Variants in SNX25 observed in about 807,000 individuals in gnomAD.
The protein encoded by SNX25 is sorting nexin 25, also known as sorting nexin-25.
Under a neutral mutation model 113.7 loss-of-function variants are expected in SNX25, and 62 were observed. The ratio of observed to expected loss-of-function variants is 0.55; its 90% CI spans 0.44 to 0.67. SNX25 has a LOEUF of 0.67. SNX25 is among the 30% of genes least tolerant of loss of function. The probability of loss-of-function intolerance (pLI) is 0.00; values close to 1 mark genes in which losing one functional copy is unlikely to be tolerated. For synonymous variants in SNX25, 421 were observed against 436.2 expected, an observed-to-expected ratio of 0.97 and a Z score of 0.43; for missense variants, 1,014 against 1,161.0, an observed-to-expected ratio of 0.87 and a Z score of 1.84.
chr4:185,224,124 G>A (rs1323361722), intron 1 of SNX25, among the ~76,000 whole-genome samples: 1 of 152,056 alleles, frequency 6.6e-6, no homozygotes, highest in African/African-American at 2.4e-5. Flanking sequence ...AGGCTAGGCG[G>A]GTGGGTCACC....
intron 1 of SNX25, among the ~76,000 whole-genome samples, chr4:185,219,867 C>G (rs1483538185): frequency 6.6e-6 from 1 of 151,844 alleles, no homozygotes; most frequent in Non-Finnish European, 1.5e-5. Context: ...TTAACTGTTC[C>G]AGATATTTCC....
chr4:185,370,582 C>T (rs2126784526), downstream of SNX25: 1 of 1,552,942 alleles, frequency 6.4e-7, no homozygotes, highest in Non-Finnish European at 8.8e-7. Context: ...ATTCAAGTTG[C>T]AGCTAAAAGC....
At chr4:185,353,839 A>G (rs2095327128) in intron 15 of SNX25, among the ~76,000 whole-genome samples, 1 of 152,122 alleles carries the variant, frequency 6.6e-6, no homozygotes, top group South Asian at 2.1e-4. Context: ...AAGTCAAGAG[A>G]TCAAGACCAT....
chr4:185,352,349 T>G (rs527839059), intron 14 of SNX25, among the ~76,000 whole-genome samples: 1 of 152,088 alleles, frequency 6.6e-6, no homozygotes, highest in Non-Finnish European at 1.5e-5. Flanking sequence ...TGGCTTCGAG[T>G]TTGGACAGAG....
upstream of SNX25, among the ~76,000 whole-genome samples, chr4:185,205,283 GTCTC>G (rs1439556609): frequency 6.6e-6 from 1 of 152,134 alleles, no homozygotes; most frequent in Non-Finnish European, 1.5e-5. Flanking sequence ...GTGAAACACT[GTCTC>G]TACTAAAAAT....
At chr4:185,309,805 A>C (rs1754989634) in intron 6 of SNX25, among the ~76,000 whole-genome samples, 2 of 152,318 alleles carry the variant, frequency 1.3e-5, no homozygotes, top group South Asian at 4.1e-4. Flanking sequence ...CTATGTAATC[A>C]TGAAAGATAC....
intron 6 of SNX25, among the ~76,000 whole-genome samples, chr4:185,309,254 G>A (rs914451628): frequency 6.6e-6 from 1 of 152,178 alleles, no homozygotes; most frequent in Admixed American, 6.5e-5. Context: ...GGGCAGGTGA[G>A]CCACTTACAT....
intron 1 of SNX25, among the ~76,000 whole-genome samples, chr4:185,236,651 TACTG>T (rs1360337405): frequency 2.6e-5 from 4 of 152,198 alleles, no homozygotes; most frequent in Non-Finnish European, 2.9e-5. Flanking sequence ...CATGATAAAA[TACTG>T]AGTGTAAACA....
intron 5 of SNX25, among the ~76,000 whole-genome samples, chr4:185,285,586 A>G (rs768820913): frequency 6.6e-6 from 1 of 152,202 alleles, no homozygotes; most frequent in Non-Finnish European, 1.5e-5. Context: ...AAAGCTCTCT[A>G]TCAGTTGGAG....
chr4:185,242,571 C>T lies in SNX25; in HGVS notation c.430-4723C>T, dbSNP rs150392574. Among the ~76,000 whole-genome samples the T allele has an allele frequency of 1.6e-4, 24 of 152,348 alleles. No homozygotes were observed. The East Asian group carries it at 3.1e-3, about 20-fold the overall frequency. ...AAAGGATGCAGATGAAGAAATGCTA[C>T]GGTGAGGTATGGGGGAGGGGTGCGG... On this transcript the variant is annotated intron_variant, in intron 1 of 18. Coordinates refer to ENST00000652585, the MANE Select transcript of SNX25 (RefSeq NM_001378034.2).
intron 11 of SNX25, among the ~76,000 whole-genome samples, 200 bp downstream of exon 11, chr4:185,339,710 T>G (rs888428726): frequency 6.6e-6 from 1 of 152,176 alleles, no homozygotes; most frequent in Admixed American, 6.5e-5. Flanking sequence ...TTGGTATAGA[T>G]CTGATCTCAC....
rs188994678 is a variant in SNX25 at position 185,239,241 on chromosome 4, G to A, written c.430-8053G>A. Among the ~76,000 whole-genome samples the A allele has an allele frequency of 5.1e-3, 675 of 132,666 alleles. 32 individuals carry two copies. Among genetic ancestry groups the A allele is most frequent in the Admixed American group, 0.05 (642 of 12,938 alleles). 87.0% of individuals were successfully genotyped at this position (132,666 alleles called of 152,430 possible). A position where few individuals can be genotyped will look rare whatever the true frequency, so the allele number is the denominator to read the frequency against. ...TCACACCTGTAATCCCAGCACTTTG[G>A]GAGGCCAAGGCGGGCAGATCACTTG... On this transcript the variant is annotated intron_variant, in intron 1 of 18. Transcript: ENST00000652585.
rs759901837 is a variant in SNX25, at chr4:185,323,708, C to A, written c.1657C>A (p.Pro553Thr). Residue 553 changes from proline (P) to threonine (T), a missense_variant, in exon 9 of 19, where the codon CCT becomes ACT. By Grantham distance (38) the Pro-to-Thr change is conservative (BLOSUM62 -1). Coordinates refer to ENST00000652585, the MANE Select transcript of SNX25 (RefSeq NM_001378034.2). ...VYETLKDRYY[P>T]SFIVSDLYEK... ...TGAGACCCTAAAGGATAGGTATTAC[C>A]CTTCATTTATTGTCAGTGACCTGTA... 1 of 1,613,518 alleles carries A rather than the reference C, an allele frequency of 6.2e-7. No individual in the cohort carries two copies. Among genetic ancestry groups the A allele is most frequent in the Admixed American group, 1.7e-5 (1 of 60,000 alleles).
chr4:185,352,799 C>T (rs1413832256), intron 14 of SNX25, among the ~76,000 whole-genome samples: 1 of 152,184 alleles, frequency 6.6e-6, no homozygotes, highest in East Asian at 1.9e-4. Context: ...GCTCCTACCT[C>T]TACACAGACA....
chr4:185,224,426 TAA>T (rs906231509), intron 1 of SNX25, among the ~76,000 whole-genome samples: 40 of 137,074 alleles, frequency 2.9e-4, no homozygotes, highest in African/African-American at 4.9e-4. Context: ...TAAAAATATA[TAA>T]AAATATATAG....
intron 8 of SNX25, among the ~76,000 whole-genome samples, chr4:185,321,742 C>T (rs544086454): frequency 1.8e-4 from 28 of 152,212 alleles, no homozygotes; most frequent in African/African-American, 6.7e-4. Context: ...GGTTCTATAT[C>T]TGTAGATTCA....
chr4:185,220,726 C>T (rs1483641538), intron 1 of SNX25, among the ~76,000 whole-genome samples: 2 of 152,042 alleles, frequency 1.3e-5, no homozygotes, highest in Non-Finnish European at 2.9e-5. Context: ...GTGATCCGCC[C>T]ACCTCGGCCT....
At chr4:185,259,309 C>T (rs1746904195) in intron 3 of SNX25, among the ~76,000 whole-genome samples, 1 of 151,728 alleles carries the variant, frequency 6.6e-6, no homozygotes, top group Non-Finnish European at 1.5e-5. Flanking sequence ...TTTTACTGAA[C>T]CAGCACTGTG....
chr4:185,367,295 T>A, downstream of SNX25: 2 of 1,469,932 alleles, frequency 1.4e-6, no homozygotes, highest in Non-Finnish European at 1.9e-6. Context: ...ATTGTTTGGG[T>A]CTTTCTTCTT....
Sources: gnomAD v4.1 joint callset for allele counts (sites outside exome capture counted in the v4.1 genomes callset) on GRCh38, gnomAD v4.1.1 for gene constraint, MANE v1.5 for transcripts, NCBI Gene and HGNC (gene_info 2026-07-23, HGNC 2026-07-21) for gene names.